ZSWIM7: variants seen among roughly 807,000 people sequenced by gnomAD.
ZSWIM7 encodes the protein zinc finger SWIM domain-containing protein 7.
In ZSWIM7, 22 loss-of-function variants were observed where a neutral mutation model predicts 21.1. The observed-to-expected ratio is 1.04, with a 90% confidence interval of 0.74 to 1.49. ZSWIM7 has a LOEUF of 1.49. ZSWIM7 is among the 40% of genes most tolerant of loss of function. The probability of loss-of-function intolerance (pLI) is 0.00; values close to 1 mark genes in which losing one functional copy is unlikely to be tolerated. For synonymous variants in ZSWIM7, 67 were observed against 66.5 expected (o/e 1.01, Z -0.04); for missense variants, 193 against 168.0 (o/e 1.15, Z -0.82).
At chr17:15,989,593 C>T (rs1461711166) in intron 2 of ZSWIM7, among the ~76,000 whole-genome samples, 1 of 152,024 alleles carries the variant, frequency 6.6e-6, no homozygotes, top group Non-Finnish European at 1.5e-5. Flanking sequence ...GCTGGGGTTA[C>T]AGGTGTGAGC....
intron 4 of ZSWIM7, among the ~76,000 whole-genome samples, chr17:15,979,113 T>C (rs983288666): frequency 5.3e-5 from 8 of 151,352 alleles, no homozygotes; most frequent in Non-Finnish European, 1.2e-4. Context: ...GTCTCTGGTT[T>C]TCCTAGGCAG....
In ZSWIM7 at chr17:15,999,601, G is replaced by C. The variant is rs1188793653; in HGVS notation, c.-7C>G. Reference sequence around the variant, plus strand: ...CCGGCAACACTACGGCCATCGCGCCGCAGGACACGCCCTCCACGACCGGCG... The same window carrying C: ...CCGGCAACACTACGGCCATCGCGCCCCAGGACACGCCCTCCACGACCGGCG... On this transcript the variant is annotated 5_prime_UTR_variant, in exon 1 of 5. Coordinates refer to ENST00000399277, the MANE Select transcript of ZSWIM7 (RefSeq NM_001042697.2). The C allele has an allele frequency of 1.3e-6, 2 of 1,570,672 alleles. No individual in the cohort carries two copies. Among genetic ancestry groups the C allele is most frequent in the South Asian group, 1.2e-5 (1 of 86,320 alleles).
intron 1 of ZSWIM7, among the ~76,000 whole-genome samples, chr17:15,996,215 A>G (rs1395002518): frequency 6.6e-6 from 1 of 152,148 alleles, no homozygotes; most frequent in Non-Finnish European, 1.5e-5. Context: ...AGGCAGGAGA[A>G]TCCCTTGAAC....
At chr17:15,990,863 A>G (rs943116279) in intron 2 of ZSWIM7, 19 of 152,284 alleles carry the variant, frequency 1.2e-4, no homozygotes, top group African/African-American at 4.6e-4. Flanking sequence ...CTCAACAGTT[A>G]CCTTTAAGAA....
Position 15,981,030 on chromosome 17 carries a change from C to T in ZSWIM7, c.306+10G>A, listed in dbSNP as rs1567789350. 1.4e-5 allele frequency: 23 copies of T among 1,603,178 alleles called. No homozygotes were observed. The highest frequency in any genetic ancestry group is 1.8e-5 in the Non-Finnish European group (21 of 1,171,078). ...TCAACTACAGTGGGAAGAGTCTTCC[C>T]CATCCTCACCAGGATGCTGTCACTC... On this transcript the variant is annotated intron_variant, in intron 4 of 4. Transcript: ENST00000399277.
At chr17:15,980,726 C>T (rs1015397734) in intron 4 of ZSWIM7, among the ~76,000 whole-genome samples, 12 of 152,258 alleles carry the variant, frequency 7.9e-5, no homozygotes, top group Admixed American at 5.2e-4. Context: ...TTGTCAACAT[C>T]GAATTTAGTT....
intron 1 of ZSWIM7, among the ~76,000 whole-genome samples, chr17:15,996,303 C>CAA (rs202105116): frequency 6.6e-6 from 1 of 150,676 alleles, no homozygotes; most frequent in Non-Finnish European, 1.5e-5. Flanking sequence ...AACTCCGTCT[C>CAA]AAAAAAAACC....
In ZSWIM7 at chr17:15,998,171, G is replaced by A. The variant is rs550407542; in HGVS notation, c.76+1348C>T. ...ACCTATTCAGACACAGAACAGTTCT[G>A]GCGATTATTGTTTAAAGTGACAGCA... On this transcript the variant is annotated intron_variant, in intron 1 of 4. Transcript: ENST00000399277. Among the ~76,000 whole-genome samples the A allele has an allele frequency of 2.0e-3, 300 of 151,926 alleles. 1 individual carries two copies. The highest frequency in any genetic ancestry group is 6.9e-3 in the African/African-American group (286 of 41,436).
At chr17:15,992,596 T>C (rs933178800) in intron 2 of ZSWIM7, among the ~76,000 whole-genome samples, 1 of 151,694 alleles carries the variant, frequency 6.6e-6, no homozygotes, top group Non-Finnish European at 1.5e-5. Flanking sequence ...TGCACCACCA[T>C]GCTTGGCTAA....
intron 3 of ZSWIM7, among the ~76,000 whole-genome samples, chr17:15,981,678 G>C (rs571804015): frequency 6.6e-6 from 1 of 152,260 alleles, no homozygotes; most frequent in South Asian, 2.1e-4. Flanking sequence ...GGAGGTCGAG[G>C]TGGGAGGATC....
chr17:15,987,443 T>C, intron 2 of ZSWIM7, 75 bp from the exon 3 acceptor site: 1 of 1,204,318 alleles, frequency 8.3e-7, no homozygotes, highest in Non-Finnish European at 1.2e-6. Flanking sequence ...AAAGGATCAC[T>C]AGACTTAGTA....
intron 3 of ZSWIM7, among the ~76,000 whole-genome samples, chr17:15,981,411 C>A (rs1308136407): frequency 6.6e-6 from 1 of 151,648 alleles, no homozygotes; most frequent in Non-Finnish European, 1.5e-5. Flanking sequence ...CCATTCTGTT[C>A]CTACGCCTAG....
At chr17:15,989,002 A>G (rs992421056) in intron 2 of ZSWIM7, among the ~76,000 whole-genome samples, 4 of 152,216 alleles carry the variant, frequency 2.6e-5, no homozygotes, top group Non-Finnish European at 5.9e-5. Flanking sequence ...CCCAGGTAAC[A>G]GGGAGACTCC....
intron 4 of ZSWIM7, among the ~76,000 whole-genome samples, chr17:15,979,142 G>A (rs539793887): frequency 1.3e-4 from 19 of 151,562 alleles, no homozygotes; most frequent in African/African-American, 3.9e-4. Context: ...GCGGCCTTCC[G>A]CAGTGTTTGT....
At chr17:15,997,290 A>G (rs1469280170) in intron 1 of ZSWIM7, among the ~76,000 whole-genome samples, 1 of 152,230 alleles carries the variant, frequency 6.6e-6, no homozygotes, top group Non-Finnish European at 1.5e-5. Flanking sequence ...CCGAGAGATC[A>G]GCCAGTCCAT....
In ZSWIM7 at chr17:15,999,489, G is replaced by C. The variant is rs767410680; in HGVS notation, c.76+30C>G. The C allele has an allele frequency of 3.1e-6, 5 of 1,594,092 alleles. No homozygotes were observed. In the East Asian group the frequency reaches 9.0e-5, roughly 29 times the overall value. ...CCCGGATGCCCCGCCCGCGCCCATGGCGCAGCCACACACGACCTCGGTCCC... is the reference window on the plus strand; with the variant it reads ...CCCGGATGCCCCGCCCGCGCCCATGCCGCAGCCACACACGACCTCGGTCCC... On this transcript the variant is annotated intron_variant, in intron 1 of 4. Coordinates refer to ENST00000399277, the MANE Select transcript of ZSWIM7 (RefSeq NM_001042697.2).
intron 1 of ZSWIM7, among the ~76,000 whole-genome samples, chr17:15,995,344 C>T (rs1463075488): frequency 6.6e-6 from 1 of 151,442 alleles, no homozygotes; most frequent in Non-Finnish European, 1.5e-5. Flanking sequence ...CTCGGCTTAC[C>T]GCAACCTCCA....
At chr17:15,991,172 A>C (rs188426003) in intron 2 of ZSWIM7, 8 of 142,306 alleles carry the variant, frequency 5.6e-5, no homozygotes, top group African/African-American at 2.4e-4. Context: ...CATCTCTTGA[A>C]TGCATTAAAA....
At chr17:15,992,242 A>G (rs941756509) in intron 2 of ZSWIM7, among the ~76,000 whole-genome samples, 3 of 151,756 alleles carry the variant, frequency 2.0e-5, no homozygotes, top group African/African-American at 7.3e-5. Context: ...TTTTAAATGT[A>G]AGTGTGTATC....
Sources: gnomAD v4.1 joint callset for allele counts (sites outside exome capture counted in the v4.1 genomes callset) on GRCh38, gnomAD v4.1.1 for gene constraint, MANE v1.5 for transcripts, NCBI Gene and HGNC (gene_info 2026-07-23, HGNC 2026-07-21) for gene names.